The following TMEFF1 variants were observed in gnomAD, a reference collection of about 807,000 sequenced individuals.
The protein encoded by TMEFF1 is transmembrane protein with EGF like and two follistatin like domains 1.
A neutral mutation model predicts 47.5 loss-of-function variants in TMEFF1; 20 were observed. That is an observed-to-expected ratio of 0.42 (90% CI 0.30 to 0.61). TMEFF1 has a LOEUF of 0.61. Ranked by LOEUF, TMEFF1 falls within the 20% of genes least tolerant of loss-of-function variation. The pLI, the probability that TMEFF1 is intolerant of heterozygous loss-of-function variation, is 0.19. For synonymous variants in TMEFF1, 162 were observed against 166.3 expected (o/e 0.97, Z 0.20); for missense variants, 411 against 471.1 (o/e 0.87, Z 1.18).
At chr9:100,489,681 A>G (rs1251312220) in intron 1 of TMEFF1, among the ~76,000 whole-genome samples, 2 of 152,160 alleles carry the variant, frequency 1.3e-5, no homozygotes, top group Non-Finnish European at 2.9e-5. Context: ...AATAGGCATT[A>G]AAAAAAGTTT....
At chr9:100,576,293 A>G (rs1477028829) in intron 9 of TMEFF1, among the ~76,000 whole-genome samples, 2 of 152,166 alleles carry the variant, frequency 1.3e-5, no homozygotes, top group Non-Finnish European at 1.5e-5. Context: ...CCTATATTAC[A>G]TATCTAATCC....
intron 5 of TMEFF1, among the ~76,000 whole-genome samples, chr9:100,520,108 G>C (rs1838137545): frequency 6.6e-6 from 1 of 152,112 alleles, no homozygotes; most frequent in Admixed American, 6.6e-5. Flanking sequence ...AACTATAATA[G>C]ATGTGTACTG....
intron 8 of TMEFF1, among the ~76,000 whole-genome samples, chr9:100,561,925 A>C (rs1564028153): frequency 6.6e-6 from 1 of 152,216 alleles, no homozygotes; most frequent in Admixed American, 6.5e-5. Flanking sequence ...GGGACGAAGA[A>C]CCAGGTGTGA....
chr9:100,508,270 A>G (rs1837897871), intron 2 of TMEFF1, among the ~76,000 whole-genome samples: 1 of 152,190 alleles, frequency 6.6e-6, no homozygotes, highest in South Asian at 2.1e-4. Flanking sequence ...TGATATTTCT[A>G]ACATGTAGAT....
At chr9:100,477,933 T>C (rs1204172150) in intron 1 of TMEFF1, among the ~76,000 whole-genome samples, 1 of 152,168 alleles carries the variant, frequency 6.6e-6, no homozygotes, top group African/African-American at 2.4e-5. Flanking sequence ...GGCCTGCATT[T>C]CTCCTTTTTT....
In TMEFF1 at chr9:100,574,620, A is replaced by G. The variant is rs1162229662; in HGVS notation, c.1059-1896A>G. ...TTCAACTCCTAGGCTCAAGTGATCC[A>G]CCTGCCTCGGTCTCGCAAAGTGCTG... On this transcript the variant is annotated intron_variant, in intron 9 of 9. Transcript: ENST00000374879. Among the ~76,000 whole-genome samples, 5 of 151,776 alleles carry G rather than the reference A, an allele frequency of 3.3e-5. No homozygotes were observed. In the East Asian group the frequency reaches 9.7e-4, roughly 29 times the overall value.
rs538217515 is a variant in TMEFF1, at chr9:100,555,944, T to C, written c.776-5453T>C. Reference sequence around the variant, plus strand: ...TGAAGCTGCAGGAGTTTTGCCCATATAGAATGGCAGAACAGCGACTGGAAT... The same window carrying C: ...TGAAGCTGCAGGAGTTTTGCCCATACAGAATGGCAGAACAGCGACTGGAAT... On this transcript the variant is annotated intron_variant, in intron 7 of 9. Transcript: ENST00000374879. 8.5e-5 allele frequency among the ~76,000 whole-genome samples: 13 copies of C among 152,330 alleles called. No homozygotes were observed. The South Asian group carries it at 2.7e-3, about 32-fold the overall frequency.
Position 100,559,695 on chromosome 9 carries a change from A to G in TMEFF1, c.776-1702A>G, listed in dbSNP as rs148545449. Among the ~76,000 whole-genome samples, 568 of 152,250 alleles carry G rather than the reference A, an allele frequency of 3.7e-3. 3 individuals are homozygous for G. The highest frequency in any genetic ancestry group is 0.014 in the Middle Eastern group (4 of 294). ...TACATATGTGTCTTGTACTATACCT[A>G]TGTTGGGTAGTGCTGGTCTCATTCA... On this transcript the variant is annotated intron_variant, in intron 7 of 9. Coordinates refer to ENST00000374879, the MANE Select transcript of TMEFF1 (RefSeq NM_003692.5).
At chr9:100,513,934 T>G (rs1838016083) in intron 4 of TMEFF1, among the ~76,000 whole-genome samples, 1 of 152,246 alleles carries the variant, frequency 6.6e-6, no homozygotes, top group Non-Finnish European at 1.5e-5. Context: ...TGATTTTATT[T>G]TACAAATATA....
At chr9:100,513,410 T>TTTTTTTTTTTTTTTA in intron 4 of TMEFF1, 77 bp downstream of exon 4, 1 of 1,225,146 alleles carries the variant, frequency 8.2e-7, no homozygotes. Context: ...TTTTTTTTTT[T>TTTTTTTTTTTTTTTA]AAATCAGCTT....
chr9:100,495,786 C>T (rs1467535980), intron 1 of TMEFF1, among the ~76,000 whole-genome samples: 2 of 152,220 alleles, frequency 1.3e-5, no homozygotes, highest in Non-Finnish European at 2.9e-5. Context: ...CTAGCACCCT[C>T]ATAAATGCCT....
Position 100,550,094 on chromosome 9 carries a change from G to A in TMEFF1, c.710-1G>A, listed in dbSNP as rs764853827. On this transcript the variant is annotated splice_acceptor_variant, in intron 6 of 9. Coordinates refer to ENST00000374879, the MANE Select transcript of TMEFF1 (RefSeq NM_003692.5). LOFTEE classifies it high-confidence loss of function. ...AATTTGAAAACCGTCTTCTCTTACA[G>A]ATACAGATGACACTAGTTTGTTGGG... is the stretch of plus-strand genomic sequence containing the variant. 6 of 1,610,086 alleles carry A rather than the reference G, an allele frequency of 3.7e-6. No individual in the cohort carries two copies. The highest frequency in any genetic ancestry group is 5.1e-6 in the Non-Finnish European group (6 of 1,178,474).
At chr9:100,476,401 GT>G (rs941446293) in intron 1 of TMEFF1, among the ~76,000 whole-genome samples, 15 of 146,854 alleles carry the variant, frequency 1.0e-4, no homozygotes, top group Admixed American at 1.4e-4. Context: ...ACTCTGTCAT[GT>G]TTTTTTTTTT....
intron 1 of TMEFF1, among the ~76,000 whole-genome samples, chr9:100,493,624 T>G (rs1006908180): frequency 1.3e-5 from 2 of 152,212 alleles, no homozygotes; most frequent in African/African-American, 4.8e-5. Flanking sequence ...GCAACTCTTG[T>G]GAGTACTTCT....
intron 2 of TMEFF1, 84 bp from the exon 3 acceptor site, chr9:100,508,921 G>C: frequency 7.5e-7 from 1 of 1,326,454 alleles, no homozygotes; most frequent in South Asian, 2.3e-5. Context: ...ATGTCATAAT[G>C]CTATGGTATT....
chr9:100,544,749 G>A (rs1838700198), intron 5 of TMEFF1, among the ~76,000 whole-genome samples: 1 of 152,332 alleles, frequency 6.6e-6, no homozygotes, highest in South Asian at 2.1e-4. Context: ...CTGCCTATAA[G>A]CCTGTAAAAT....
At chr9:100,487,549 T>C (rs1327211368) in intron 1 of TMEFF1, among the ~76,000 whole-genome samples, 1 of 152,222 alleles carries the variant, frequency 6.6e-6, no homozygotes, top group Middle Eastern at 3.2e-3. Context: ...GGTTATACCA[T>C]AAGCACATCC....
chr9:100,520,781 G>C (rs1364507879), intron 5 of TMEFF1, among the ~76,000 whole-genome samples: 1 of 152,182 alleles, frequency 6.6e-6, no homozygotes, highest in African/African-American at 2.4e-5. Flanking sequence ...ATAGGTGAAG[G>C]TGAGTTCAGA....
At chr9:100,572,982 CTTT>C (rs568021377) in intron 9 of TMEFF1, among the ~76,000 whole-genome samples, 4 of 140,342 alleles carry the variant, frequency 2.9e-5, no homozygotes, top group Admixed American at 7.2e-5. Context: ...TAGTAGCAAT[CTTT>C]TTTTTTTTTT....
Sources: gnomAD v4.1 joint callset for allele counts (sites outside exome capture counted in the v4.1 genomes callset) on GRCh38, gnomAD v4.1.1 for gene constraint, MANE v1.5 for transcripts, NCBI Gene and HGNC (gene_info 2026-07-23, HGNC 2026-07-21) for gene names.